DSCAM: variants seen among roughly 807,000 people sequenced by gnomAD.
DSCAM encodes DS cell adhesion molecule.
In DSCAM, 47 loss-of-function variants were observed where a neutral mutation model predicts 217.7. The ratio of observed to expected loss-of-function variants is 0.22; its 90% CI spans 0.17 to 0.28. DSCAM has a LOEUF of 0.28. DSCAM is among the 10% of genes least tolerant of loss of function. The pLI, the probability that DSCAM is intolerant of heterozygous loss-of-function variation, is 1.00. For synonymous variants in DSCAM, 1,056 were observed against 1,015.3 expected (o/e 1.04, Z -0.76); for missense variants, 2,080 against 2,618.3 (o/e 0.79, Z 4.49).
At chr21:40,068,739 C>G (rs2089246564) in intron 27 of DSCAM, among the ~76,000 whole-genome samples, 1 of 152,188 alleles carries the variant, frequency 6.6e-6, no homozygotes, top group Non-Finnish European at 1.5e-5. Context: ...TGCCTGGACT[C>G]ATATGTGATT....
At chr21:40,079,038 T>G in intron 25 of DSCAM, 61 bp from the exon 26 acceptor site, 1 of 1,563,736 alleles carries the variant, frequency 6.4e-7, no homozygotes, top group African/African-American at 1.4e-5. Context: ...ATCAGCATCT[T>G]CACGCATTTC....
At chr21:40,077,682 A>C in intron 26 of DSCAM, among the ~76,000 whole-genome samples, 1 of 152,198 alleles carries the variant, frequency 6.6e-6, no homozygotes, top group Non-Finnish European at 1.5e-5. Context: ...GCATCCCCTC[A>C]CAAAGCATCA....
chr21:40,724,375 G>C (rs971733707), intron 1 of DSCAM, among the ~76,000 whole-genome samples: 1 of 152,164 alleles, frequency 6.6e-6, no homozygotes, highest in Admixed American at 6.5e-5. Context: ...AAAGAGTACA[G>C]AGTTATGTAA....
chr21:40,832,608 C>G (rs1270546799), intron 1 of DSCAM, among the ~76,000 whole-genome samples: 3 of 152,102 alleles, frequency 2.0e-5, no homozygotes, highest in Admixed American at 6.5e-5. Context: ...ACGCAAGAGG[C>G]TATCGTTTCC....
chr21:40,157,638 G>A (rs759681699), intron 16 of DSCAM, among the ~76,000 whole-genome samples: 2 of 152,202 alleles, frequency 1.3e-5, no homozygotes, highest in Non-Finnish European at 2.9e-5. Context: ...TAGGGATTAA[G>A]AGGAGGATGG....
intron 3 of DSCAM, among the ~76,000 whole-genome samples, chr21:40,473,181 A>G (rs1266394706): frequency 1.3e-5 from 2 of 152,226 alleles, no homozygotes; most frequent in Non-Finnish European, 1.5e-5. Context: ...ACGGCTCTTA[A>G]CTTTTTAAAA....
intron 19 of DSCAM, among the ~76,000 whole-genome samples, chr21:40,125,054 C>A (rs974577998): frequency 6.6e-6 from 1 of 152,034 alleles, no homozygotes. Context: ...CATCAGAGAC[C>A]CCACCCTCCC....
chr21:40,156,001 C>T (rs543859118), intron 16 of DSCAM, among the ~76,000 whole-genome samples: 2 of 152,080 alleles, frequency 1.3e-5, no homozygotes, highest in Admixed American at 6.6e-5. Flanking sequence ...AGGGCAGCCT[C>T]TGTCTACCCT....
At chr21:40,351,718 GGAA>G (rs1403533798) in intron 5 of DSCAM, among the ~76,000 whole-genome samples, 20 of 152,254 alleles carry the variant, frequency 1.3e-4, no homozygotes. Flanking sequence ...ACCTAGATGT[GGAA>G]GAAGGGAACA....
chr21:40,578,644 T>C (rs2076876647), intron 3 of DSCAM, among the ~76,000 whole-genome samples: 1 of 152,206 alleles, frequency 6.6e-6, no homozygotes, highest in African/African-American at 2.4e-5. Flanking sequence ...CTCTTCACAA[T>C]AAATCTTGCT....
intron 3 of DSCAM, among the ~76,000 whole-genome samples, chr21:40,533,157 A>T (rs550207770): frequency 6.6e-6 from 1 of 152,354 alleles, no homozygotes; most frequent in East Asian, 1.9e-4. Flanking sequence ...GTTTCAGGAT[A>T]CTGTAAAGAG....
chr21:40,341,486 T>G (rs2074490820), intron 6 of DSCAM, among the ~76,000 whole-genome samples: 1 of 152,226 alleles, frequency 6.6e-6, no homozygotes, highest in Admixed American at 6.5e-5. Flanking sequence ...ATACAGATCT[T>G]AAGTGTACAG....
intron 1 of DSCAM, among the ~76,000 whole-genome samples, chr21:40,831,166 A>G (rs2092009169): frequency 1.3e-5 from 2 of 152,262 alleles, no homozygotes; most frequent in African/African-American, 4.8e-5. Flanking sequence ...GTCTATTTTC[A>G]TCACATTTGG....
intron 1 of DSCAM, among the ~76,000 whole-genome samples, chr21:40,759,791 G>T (rs1250523377): frequency 6.6e-6 from 1 of 152,124 alleles, no homozygotes; most frequent in African/African-American, 2.4e-5. Context: ...TGGGGTGCCA[G>T]TCTTTGCTTC....
intron 32 of DSCAM, among the ~76,000 whole-genome samples, chr21:40,017,694 G>A (rs932882143): frequency 6.6e-5 from 10 of 152,110 alleles, no homozygotes; most frequent in East Asian, 1.9e-4. Context: ...TGGGATTACA[G>A]GCATGCACCA....
At chr21:40,678,985 C>T (rs917543651) in intron 3 of DSCAM, among the ~76,000 whole-genome samples, 2 of 152,128 alleles carry the variant, frequency 1.3e-5, no homozygotes, top group East Asian at 1.9e-4. Context: ...TAAAAGAAGA[C>T]AGCTTTTGTT....
At chr21:40,744,768 G>C (rs1285820971) in intron 1 of DSCAM, among the ~76,000 whole-genome samples, 2 of 152,026 alleles carry the variant, frequency 1.3e-5, no homozygotes, top group Non-Finnish European at 2.9e-5. Flanking sequence ...AACAATCTCA[G>C]GGAAATATGA....
chr21:40,548,010 T>C lies in DSCAM; in HGVS notation c.508+144800A>G, dbSNP rs187364766. Among the ~76,000 whole-genome samples, 471 of 152,264 alleles carry C rather than the reference T, an allele frequency of 3.1e-3. 2 individuals carry two copies. Among genetic ancestry groups the C allele is most frequent in the African/African-American group, 0.011 (449 of 41,544 alleles). Reference sequence around the variant, plus strand: ...GCAGCCTGGCATATGGTGTCTCCAATTTTTTAGTGACAAGTGGCATGTTAG... The same window carrying C: ...GCAGCCTGGCATATGGTGTCTCCAACTTTTTAGTGACAAGTGGCATGTTAG... On this transcript the variant is annotated intron_variant, in intron 3 of 32. Transcript: ENST00000400454.
rs561448928 is a variant in DSCAM at position 40,081,841 on chromosome 21, G to C, written c.4232-1501C>G. Among the ~76,000 whole-genome samples, 3 of 152,260 alleles carry C rather than the reference G, an allele frequency of 2.0e-5. 1 individual carries two copies. In the South Asian group the frequency reaches 6.2e-4, roughly 32 times the overall value. On this transcript the variant is annotated intron_variant, in intron 24 of 32. Transcript: ENST00000400454. ...GTTTCAGGAATGCTGGGTTACCTTT[G>C]TCTTGGAAACTCTCCCTCACTAAAA... is the stretch of plus-strand genomic sequence containing the variant.
Sources: allele counts gnomAD v4.1 joint callset (sites outside exome capture counted in the v4.1 genomes callset), GRCh38; gene constraint gnomAD v4.1.1; transcripts MANE v1.5; gene names NCBI Gene and HGNC (gene_info 2026-07-23, HGNC 2026-07-21).